Variants in ZBTB20 observed in about 807,000 individuals in gnomAD.
ZBTB20 encodes the protein zinc finger and BTB domain containing 20.
In ZBTB20, 9 loss-of-function variants were observed where a neutral mutation model predicts 56.9. That is an observed-to-expected ratio of 0.16 (90% confidence interval 0.10 to 0.28). The LOEUF is 0.28. ZBTB20 is among the 10% of genes least tolerant of loss of function. The probability of loss-of-function intolerance (pLI) is 1.00; values close to 1 mark genes in which losing one functional copy is unlikely to be tolerated. For synonymous variants in ZBTB20, 417 were observed against 420.7 expected, an observed-to-expected ratio of 0.99 and a Z score of 0.11; for missense variants, 655 against 1,003.0, an observed-to-expected ratio of 0.65 and a Z score of 4.69.
At chr3:114,410,765 G>A (rs1393837751) in intron 7 of ZBTB20, among the ~76,000 whole-genome samples, 1 of 152,142 alleles carries the variant, frequency 6.6e-6, no homozygotes, top group Non-Finnish European at 1.5e-5. Flanking sequence ...GAAAAATCAG[G>A]CTCTATAGCT....
At chr3:114,390,188 C>A (rs78258624) in intron 7 of ZBTB20, among the ~76,000 whole-genome samples, 1,737 of 152,152 alleles carry the variant, frequency 0.011, 33 homozygotes, top group African/African-American at 0.039. Context: ...CTGTGCCTGG[C>A]TTTTCTAGTA....
At chr3:114,781,240 C>G (rs534566666) in intron 5 of ZBTB20, among the ~76,000 whole-genome samples, 1 of 152,164 alleles carries the variant, frequency 6.6e-6, no homozygotes, top group East Asian at 1.9e-4. Context: ...CCTCAGTTTC[C>G]TCACCAGTAA....
chr3:114,960,442 C>T (rs546869355), intron 3 of ZBTB20, among the ~76,000 whole-genome samples: 4 of 152,278 alleles, frequency 2.6e-5, no homozygotes, highest in East Asian at 1.9e-4. Context: ...TGACTCCCTA[C>T]GTACTACAGA....
intron 7 of ZBTB20, among the ~76,000 whole-genome samples, chr3:114,427,177 C>A (rs988310605): frequency 6.6e-6 from 1 of 152,056 alleles, no homozygotes. Context: ...AGAAATAATA[C>A]CAAAATGAGA....
At chr3:114,700,616 T>C (rs892870866) in intron 5 of ZBTB20, among the ~76,000 whole-genome samples, 2 of 152,302 alleles carry the variant, frequency 1.3e-5, no homozygotes, top group African/African-American at 2.4e-5. Flanking sequence ...TATTTGAGAC[T>C]GATTACGGCA....
At chr3:114,695,405 A>G (rs1247001414) in intron 5 of ZBTB20, among the ~76,000 whole-genome samples, 1 of 151,990 alleles carries the variant, frequency 6.6e-6, no homozygotes, top group Non-Finnish European at 1.5e-5. Flanking sequence ...AGAAGTCTAC[A>G]TTGGCACACA....
intron 3 of ZBTB20, among the ~76,000 whole-genome samples, chr3:114,932,166 G>C (rs1654806099): frequency 6.6e-6 from 1 of 152,236 alleles, no homozygotes; most frequent in Non-Finnish European, 1.5e-5. Flanking sequence ...CACTGATTGT[G>C]TTAATGGCCA....
chr3:114,689,979 A>G (rs533277591), intron 6 of ZBTB20, among the ~76,000 whole-genome samples: 1 of 152,292 alleles, frequency 6.6e-6, no homozygotes, highest in Admixed American at 6.5e-5. Flanking sequence ...AAGGAGACAA[A>G]ATAATCAGAA....
chr3:115,126,659 T>C (rs949271451), intron 1 of ZBTB20, among the ~76,000 whole-genome samples: 18 of 152,182 alleles, frequency 1.2e-4, no homozygotes, highest in African/African-American at 3.9e-4. Context: ...AAGTTAATAA[T>C]TGGTATTATT....
intron 4 of ZBTB20, among the ~76,000 whole-genome samples, chr3:114,826,844 T>C (rs1553837856): frequency 6.6e-6 from 1 of 151,570 alleles, no homozygotes; most frequent in Non-Finnish European, 1.5e-5. Context: ...ATTAGAACCA[T>C]AAAAAACCAA....
At chr3:115,063,200 C>A (rs185261181) in intron 2 of ZBTB20, among the ~76,000 whole-genome samples, 7 of 152,284 alleles carry the variant, frequency 4.6e-5, no homozygotes, top group Non-Finnish European at 1.0e-4. Context: ...TAATCTACTA[C>A]CTGAACAATC....
chr3:114,425,596 T>G (rs1026289019), intron 7 of ZBTB20, among the ~76,000 whole-genome samples: 2 of 152,198 alleles, frequency 1.3e-5, no homozygotes, highest in African/African-American at 4.8e-5. Flanking sequence ...CTTTTGTAAC[T>G]CTTAAATATG....
At chr3:114,659,651 T>C (rs183006302) in intron 6 of ZBTB20, among the ~76,000 whole-genome samples, 2 of 152,324 alleles carry the variant, frequency 1.3e-5, no homozygotes, top group Non-Finnish European at 2.9e-5. Flanking sequence ...TCTGGCTCCC[T>C]GCATGCTGTT....
intron 4 of ZBTB20, among the ~76,000 whole-genome samples, chr3:114,850,660 T>C (rs1417106118): frequency 2.6e-5 from 4 of 152,216 alleles, no homozygotes; most frequent in Non-Finnish European, 5.9e-5. Flanking sequence ...GTGGTCTGGC[T>C]CCAGAGTCAA....
At chr3:114,717,362 G>T (rs2064557559) in intron 5 of ZBTB20, among the ~76,000 whole-genome samples, 1 of 152,098 alleles carries the variant, frequency 6.6e-6, no homozygotes, top group Non-Finnish European at 1.5e-5. Context: ...GCCACAGAAA[G>T]GTTATTGAGG....
chr3:114,464,369 T>G (rs1357006797), intron 7 of ZBTB20, among the ~76,000 whole-genome samples: 1 of 152,224 alleles, frequency 6.6e-6, no homozygotes, highest in African/African-American at 2.4e-5. Flanking sequence ...AAGGCGCACT[T>G]TACGTGAAAC....
intron 6 of ZBTB20, among the ~76,000 whole-genome samples, chr3:114,677,371 A>T (rs545440383): frequency 6.6e-6 from 1 of 152,258 alleles, no homozygotes; most frequent in Middle Eastern, 3.4e-3. Context: ...GCTGTACGGG[A>T]GGAGATGAAC....
intron 6 of ZBTB20, among the ~76,000 whole-genome samples, chr3:114,600,800 G>A (rs1030173188): frequency 1.5e-4 from 23 of 151,984 alleles, no homozygotes; most frequent in African/African-American, 4.6e-4. Context: ...GGCTTAAAGT[G>A]CTATTTTCTC....
At chr3:114,477,251 T>C (rs1192323121) in intron 7 of ZBTB20, among the ~76,000 whole-genome samples, 1 of 152,222 alleles carries the variant, frequency 6.6e-6, no homozygotes, top group Non-Finnish European at 1.5e-5. Flanking sequence ...TTTAGATCCA[T>C]AATTACCATT....
Sources: gnomAD v4.1 joint callset for allele counts (sites outside exome capture counted in the v4.1 genomes callset) on GRCh38, gnomAD v4.1.1 for gene constraint, MANE v1.5 for transcripts, NCBI Gene and HGNC (gene_info 2026-07-23, HGNC 2026-07-21) for gene names.